HTR2C: variants seen among roughly 807,000 people sequenced by gnomAD.
The protein encoded by HTR2C is 5-hydroxytryptamine (serotonin) receptor 2C, G protein-coupled.
HTR2C carries 5 observed loss-of-function variants against 21.0 expected under a neutral mutation model. That is an observed-to-expected ratio of 0.24 (90% CI 0.12 to 0.50). The LOEUF is 0.50. HTR2C is among the 20% of genes least tolerant of loss of function. The probability of loss-of-function intolerance (pLI) is 0.98; values close to 1 mark genes in which losing one functional copy is unlikely to be tolerated. For missense variants in HTR2C, 271 were observed against 371.2 expected (o/e 0.73, Z 2.22); for synonymous variants, 150 against 145.3 (o/e 1.03, Z -0.23).
intron 4 of HTR2C, among the ~76,000 whole-genome samples, chrX:114,796,500 G>C (rs1239714122): frequency 9.0e-6 from 1 of 110,901 alleles, no homozygotes; most frequent in Non-Finnish European, 1.9e-5. Context: ...CCTAATTCCT[G>C]TTACTTAATG....
At chrX:114,747,801 C>G (rs1030652881) in intron 4 of HTR2C, among the ~76,000 whole-genome samples, 4 of 112,179 alleles carry the variant, frequency 3.6e-5, no homozygotes, top group African/African-American at 9.7e-5. Flanking sequence ...GGGTCCCAGG[C>G]CTTCAATCCA....
chrX:114,623,906 G>GTTTTTTTTTTTT (rs35930521), intron 2 of HTR2C, among the ~76,000 whole-genome samples: 1 of 69,402 alleles, frequency 1.4e-5, no homozygotes, highest in African/African-American at 5.7e-5. Flanking sequence ...TTTTGTTGTT[G>GTTTTTTTTTTTT]TTTTTTTTTT....
At chrX:114,756,387 A>C (rs1465069046) in intron 4 of HTR2C, among the ~76,000 whole-genome samples, 1 of 111,510 alleles carries the variant, frequency 9.0e-6, no homozygotes. Context: ...TTACACAAAA[A>C]CCTGTCCACT....
intron 4 of HTR2C, among the ~76,000 whole-genome samples, chrX:114,836,427 G>A (rs987854378): frequency 2.7e-5 from 3 of 112,533 alleles, no homozygotes; most frequent in African/African-American, 6.5e-5. Flanking sequence ...TTTTTAAGCC[G>A]GTCGGAAAAG....
chrX:114,637,124 A>T (rs1423124172), intron 2 of HTR2C, among the ~76,000 whole-genome samples: 1 of 109,816 alleles, frequency 9.1e-6, no homozygotes, highest in Non-Finnish European at 1.9e-5. Context: ...TTTTAAGTGT[A>T]TTTTTTTTTC....
chrX:114,903,175 C>T (rs1378173997), intron 5 of HTR2C, among the ~76,000 whole-genome samples: 1 of 111,352 alleles, frequency 9.0e-6, no homozygotes, highest in African/African-American at 3.3e-5. Flanking sequence ...AGACAGTGTA[C>T]AACATATATT....
intron 2 of HTR2C, among the ~76,000 whole-genome samples, chrX:114,641,658 C>G (rs1047508781): frequency 8.9e-6 from 1 of 112,027 alleles, no homozygotes; most frequent in Admixed American, 9.5e-5. Context: ...TCAAATTGCT[C>G]TCAAGAGCAG....
rs1482428027 is a variant in HTR2C at position 114,805,314 on chromosome X, C to G, written c.350-42689C>G. 2.8e-5 allele frequency among the ~76,000 whole-genome samples: 3 copies of G among 107,582 alleles called. No homozygotes were observed. The Admixed American group carries it at 3.1e-4, about 11-fold the overall frequency. The allele number at this position is 107,582 out of a possible 115,157, so 93.4% of individuals were successfully genotyped here. A position where few individuals can be genotyped will look rare whatever the true frequency, so the allele number is the denominator to read the frequency against. Reference sequence around the variant, plus strand: ...CATACACCTTCATTCCTTGGCTAACCTTTTTTCTTCCTTCACCAGAACTGA... The same window carrying G: ...CATACACCTTCATTCCTTGGCTAACGTTTTTTCTTCCTTCACCAGAACTGA... On this transcript the variant is annotated intron_variant, in intron 4 of 5. Coordinates refer to ENST00000276198, the MANE Select transcript of HTR2C (RefSeq NM_000868.4).
At chrX:114,832,538 T>C (rs372905674) in intron 4 of HTR2C, among the ~76,000 whole-genome samples, 2 of 31,711 alleles carry the variant, frequency 6.3e-5, no homozygotes, top group African/African-American at 1.3e-4. Flanking sequence ...GTGATTTTTG[T>C]ACATTGATTT....
At chrX:114,645,915 G>A (rs948079146) in intron 2 of HTR2C, among the ~76,000 whole-genome samples, 4 of 111,030 alleles carry the variant, frequency 3.6e-5, no homozygotes, top group African/African-American at 6.5e-5. Context: ...ATGGAAAACC[G>A]GAAAAGAGAA....
At chrX:114,749,190 T>C (rs2069734528) in intron 4 of HTR2C, among the ~76,000 whole-genome samples, 1 of 109,749 alleles carries the variant, frequency 9.1e-6, no homozygotes. Flanking sequence ...GCCTCACACC[T>C]GCAATCCCAG....
intron 5 of HTR2C, among the ~76,000 whole-genome samples, chrX:114,869,290 C>A (rs1220470349): frequency 2.7e-5 from 3 of 111,343 alleles, no homozygotes; most frequent in Non-Finnish European, 3.8e-5. Flanking sequence ...TGAATAGTGC[C>A]ACAATAAACA....
chrX:114,592,415 A>C (rs1430322238), intron 1 of HTR2C, among the ~76,000 whole-genome samples: 3 of 112,175 alleles, frequency 2.7e-5, no homozygotes, highest in Admixed American at 9.5e-5. Flanking sequence ...GTACAAACAT[A>C]GTGGATATTC....
At chrX:114,596,802 A>T (rs1042166335) in intron 1 of HTR2C, among the ~76,000 whole-genome samples, 2 of 112,495 alleles carry the variant, frequency 1.8e-5, no homozygotes, top group Non-Finnish European at 3.7e-5. Context: ...CTATAAAATA[A>T]TTTCAAAAGA....
At chrX:114,885,645 A>G (rs1010711010) in intron 5 of HTR2C, among the ~76,000 whole-genome samples, 1 of 111,653 alleles carries the variant, frequency 9.0e-6, no homozygotes, top group Admixed American at 9.6e-5. Flanking sequence ...TTTAAATTGT[A>G]TGCTTGTTTT....
rs1174278264 is a variant in HTR2C, at chrX:114,723,881, T to C, written c.-79-2977T>C. Among the ~76,000 whole-genome samples the C allele has an allele frequency of 6.0e-5, 6 of 100,025 alleles. No homozygotes were observed. The East Asian group carries it at 1.3e-3, about 22-fold the overall frequency. 86.9% of individuals were successfully genotyped at this position (100,025 alleles called of 115,157 possible). On this transcript the variant is annotated intron_variant, in intron 2 of 5. Transcript: ENST00000276198. Reference sequence around the variant, plus strand: ...TTTGATTGCACTGTGGTCTGAGAGATAGTTTGTTATAATCTCTGTTCTTTT... The same window carrying C: ...TTTGATTGCACTGTGGTCTGAGAGACAGTTTGTTATAATCTCTGTTCTTTT...
chrX:114,605,960 CTG>C (rs1266409896), intron 1 of HTR2C, among the ~76,000 whole-genome samples: 1 of 91,643 alleles, frequency 1.1e-5, no homozygotes, highest in East Asian at 3.4e-4. Context: ...AAATAAGGGA[CTG>C]GGGCACAGAG....
At chrX:114,892,646 A>G (rs2071266764) in intron 5 of HTR2C, among the ~76,000 whole-genome samples, 1 of 111,004 alleles carries the variant, frequency 9.0e-6, no homozygotes, top group Non-Finnish European at 1.9e-5. Flanking sequence ...GAAAAATTAA[A>G]TAATCTGTAT....
intron 4 of HTR2C, chrX:114,763,154 A>T (rs1343927323): frequency 8.0e-6 from 1 of 125,563 alleles, no homozygotes; most frequent in Admixed American, 9.5e-5. Context: ...GGCATCCATC[A>T]TCTGCCACTG....
Sources: allele counts gnomAD v4.1 joint callset (sites outside exome capture counted in the v4.1 genomes callset), GRCh38; gene constraint gnomAD v4.1.1; transcripts MANE v1.5; gene names NCBI Gene and HGNC (gene_info 2026-07-23, HGNC 2026-07-21).